The following PLA2G1B variants were observed in gnomAD, a reference collection of about 807,000 sequenced individuals.
PLA2G1B encodes phospholipase A2 group IB.
In PLA2G1B, 12 loss-of-function variants were observed where a neutral mutation model predicts 12.5. The observed-to-expected ratio is 0.96, with a 90% CI of 0.62 to 1.56. PLA2G1B has a LOEUF of 1.56. Among genes scored for constraint, PLA2G1B ranks in the 40% most tolerant of loss-of-function variants. The probability of loss-of-function intolerance (pLI) is 0.00; values close to 1 mark genes in which losing one functional copy is unlikely to be tolerated. For missense variants in PLA2G1B, 189 were observed against 186.7 expected, an observed-to-expected ratio of 1.01 and a Z score of -0.07; for synonymous variants, 81 against 73.4, an observed-to-expected ratio of 1.10 and a Z score of -0.53.
chr12:120,324,019 A>G (rs1294340932), intron 3 of PLA2G1B, among the ~76,000 whole-genome samples: 1 of 152,192 alleles, frequency 6.6e-6, no homozygotes. Context: ...TAAAGAAAAT[A>G]GACAGTAATC....
intron 1 of PLA2G1B, among the ~76,000 whole-genome samples, chr12:120,327,297 A>C (rs1411947277): frequency 6.6e-6 from 1 of 152,098 alleles, no homozygotes; most frequent in East Asian, 1.9e-4. Context: ...CCGTCTCAAA[A>C]ATAAAATAAA....
intron 3 of PLA2G1B, 104 bp from the exon 4 acceptor site, chr12:120,322,421 T>G (rs1873254816): frequency 9.5e-7 from 1 of 1,054,286 alleles, no homozygotes; most frequent in Non-Finnish European, 1.4e-6. Context: ...ATTCCACTGA[T>G]GCACATTTAG....
At chr12:120,326,319 A>T (rs1592909204) in intron 1 of PLA2G1B, among the ~76,000 whole-genome samples, 2 of 143,644 alleles carry the variant, frequency 1.4e-5, no homozygotes, top group Admixed American at 1.4e-4. Context: ...GATTACAGGC[A>T]TGTGCCACCC....
intron 3 of PLA2G1B, 142 bp downstream of exon 3, chr12:120,324,792 A>T: frequency 1.3e-6 from 1 of 798,038 alleles, no homozygotes; most frequent in Non-Finnish European, 2.1e-6. Context: ...TACCTATCCC[A>T]TAGTGTTGTT....
At chr12:120,326,061 C>T in intron 1 of PLA2G1B, 41 bp from the exon 2 acceptor site, 1 of 1,605,176 alleles carries the variant, frequency 6.2e-7, no homozygotes, top group Non-Finnish European at 8.5e-7. Context: ...GGTCTGCCAG[C>T]ACCCCGGGGA....
rs1349838019 is a variant in PLA2G1B at position 120,322,148 on chromosome 12, G to C, written c.*45C>G. On this transcript the variant is annotated 3_prime_UTR_variant, in exon 4 of 4. Coordinates refer to ENST00000308366, the MANE Select transcript of PLA2G1B (RefSeq NM_000928.3). The stretch of plus-strand genomic sequence containing the variant: ...ACAAGGTGCTTTATTGGAGAGTACA[G>C]TGTGAGATGAGGCAGATAGAGGTGA... The C allele has an allele frequency of 1.9e-6, 3 of 1,601,570 alleles. No individual in the cohort carries two copies. The highest frequency in any genetic ancestry group is 2.7e-5 in the African/African-American group (2 of 74,614).
At chr12:120,326,723 C>CTTTTGG (rs1443770533) in intron 1 of PLA2G1B, among the ~76,000 whole-genome samples, 1 of 151,862 alleles carries the variant, frequency 6.6e-6, no homozygotes, top group Non-Finnish European at 1.5e-5. Context: ...GTAATCCCAG[C>CTTTTGG]ACTTTGGGAG....
At chr12:120,322,896 A>G (rs1369487932) in intron 3 of PLA2G1B, among the ~76,000 whole-genome samples, 1 of 152,096 alleles carries the variant, frequency 6.6e-6, no homozygotes, top group Non-Finnish European at 1.5e-5. Flanking sequence ...TAGTTTCTCT[A>G]CTTTAAAGCA....
At position 120,325,881 on chromosome 12, in the gene PLA2G1B, G is replaced by T. The variant is rs367782740; in HGVS notation, c.174C>A (p.Thr58=). 8.1e-6 allele frequency: 13 copies of T among 1,613,860 alleles called. No homozygotes were observed. In the African/African-American group the frequency reaches 1.6e-4, roughly 20 times the overall value. ...GCYCGLGGSG[T]PVDELDKCCQ... Reference sequence around the variant, plus strand: ...CTTACTTGTCCAGTTCATCCACGGGGGTGCCTGAGCCCCCCAAGCCACAGT... The same window carrying T: ...CTTACTTGTCCAGTTCATCCACGGGTGTGCCTGAGCCCCCCAAGCCACAGT... The change falls in exon 2 of 4, where the codon ACC becomes ACA. Residue 58 remains threonine, a synonymous_variant. Coordinates refer to ENST00000308366, the MANE Select transcript of PLA2G1B (RefSeq NM_000928.3).
Position 120,324,990 on chromosome 12 carries a change from T to C in PLA2G1B, c.266A>G (p.Asn89Ser), listed in dbSNP as rs5635. 6.2e-6 allele frequency: 10 copies of C among 1,614,022 alleles called. No individual in the cohort carries two copies. The highest frequency in any genetic ancestry group is 2.2e-5 in the South Asian group (2 of 91,084). The change falls in exon 3 of 4, where the codon AAC (asparagine) becomes AGC (serine). Residue 89 changes from asparagine to serine, a missense_variant. Asn to Ser is a conservative substitution (Grantham distance 46). Coordinates refer to ENST00000308366, the MANE Select transcript of PLA2G1B (RefSeq NM_000928.3). ...GTATGAATAGGTGTGGGTGTACGGG[T>C]TGTCCAGCAGAAATTTACAGCTGTC... ...KLDSCKFLLDNPYTHTYSYSC... is the reference protein window; with the variant it reads ...KLDSCKFLLDSPYTHTYSYSC...
chr12:120,322,328 A>C lies in PLA2G1B; in HGVS notation c.323-11T>G, dbSNP rs770414361. On this transcript the variant is annotated splice_polypyrimidine_tract_variant and intron_variant, in intron 3 of 3. Coordinates refer to ENST00000308366, the MANE Select transcript of PLA2G1B (RefSeq NM_000928.3). ...ACTCTTTGTTTTTGCCTGGAGAGGG[A>C]TGAAAGGAGAGGACTGAGCCAAGGT... 6.2e-7 allele frequency: 1 copy of C among 1,613,274 alleles called. No individual in the cohort carries two copies. The highest frequency in any genetic ancestry group is 1.7e-5 in the Admixed American group (1 of 59,854).
rs369669070 is a variant in PLA2G1B, at chr12:120,322,170, G to T, written c.*23C>A. ...ACAGTGTGAGATGAGGCAGATAGAG[G>T]TGATGCTTTTGAGAGGTGATATTCA... is the stretch of plus-strand genomic sequence containing the variant. On this transcript the variant is annotated 3_prime_UTR_variant, in exon 4 of 4. Coordinates refer to ENST00000308366, the MANE Select transcript of PLA2G1B (RefSeq NM_000928.3). 12 of 1,612,558 alleles carry T rather than the reference G, an allele frequency of 7.4e-6. No homozygotes were observed. The highest frequency in any genetic ancestry group is 1.0e-5 in the Non-Finnish European group (12 of 1,179,006).
In PLA2G1B at chr12:120,322,221, A is replaced by G; in HGVS notation, c.419T>C (p.Leu140Pro). Residue 140 changes from leucine (L) to proline (P), a missense_variant, in exon 4 of 4, where the codon CTG becomes CCG. Coordinates refer to ENST00000308366, the MANE Select transcript of PLA2G1B (RefSeq NM_000928.3). ...ACTCTGACAATACTTCTTGGTGTCC[A>G]GGTTCTTGTGTGCCTTGTTATATGG... ...KAPYNKAHKNLDTKKYCQS is the reference protein window; with the variant it reads ...KAPYNKAHKNPDTKKYCQS 1.2e-6 allele frequency: 2 copies of G among 1,614,114 alleles called. No homozygotes were observed. The highest frequency in any genetic ancestry group is 1.1e-5 in the South Asian group (1 of 91,074).
chr12:120,324,624 C>CA (rs1390630249), intron 3 of PLA2G1B, among the ~76,000 whole-genome samples: 1 of 152,088 alleles, frequency 6.6e-6, no homozygotes, highest in East Asian at 1.9e-4. Flanking sequence ...CCTATGGTTG[C>CA]ACCACTGTGC....
intron 3 of PLA2G1B, among the ~76,000 whole-genome samples, chr12:120,323,934 G>A (rs1873286923): frequency 6.6e-6 from 1 of 152,138 alleles, no homozygotes; most frequent in African/African-American, 2.4e-5. Context: ...TTTATATCTA[G>A]GCTGTGCATT....
At position 120,322,246 on chromosome 12, in the gene PLA2G1B, G is replaced by A; in HGVS notation, c.394C>T (p.Pro132Ser). The A allele has an allele frequency of 6.2e-7, 1 of 1,613,994 alleles. No homozygotes were observed. The highest frequency in any genetic ancestry group is 8.5e-7 in the Non-Finnish European group (1 of 1,179,942). ...AGGTTCTTGTGTGCCTTGTTATATG[G>A]AGCTTTTGAAAAGCAGATGGCAGCG... ...RNAAICFSKA[P>S]YNKAHKNLDT... The change falls in exon 4 of 4, where the codon CCA (proline) becomes TCA (serine). Residue 132 changes from proline (P) to serine (S), a missense_variant. Transcript: ENST00000308366.
At chr12:120,324,102 A>G (rs1215688250) in intron 3 of PLA2G1B, among the ~76,000 whole-genome samples, 1 of 152,146 alleles carries the variant, frequency 6.6e-6, no homozygotes, top group Non-Finnish European at 1.5e-5. Flanking sequence ...ACTTGAGGTC[A>G]GGAGTTTGAG....
chr12:120,326,232 T>TTG (rs1385943050), intron 1 of PLA2G1B: 10 of 376,538 alleles, frequency 2.7e-5, no homozygotes, highest in African/African-American at 1.1e-4. Flanking sequence ...GTTTATATCT[T>TTG]TGTGTGTGTG....
At chr12:120,326,481 T>A (rs1873351081) in intron 1 of PLA2G1B, among the ~76,000 whole-genome samples, 2 of 149,600 alleles carry the variant, frequency 1.3e-5, no homozygotes, top group African/African-American at 4.9e-5. Context: ...GTCAGATAGT[T>A]TTAAACTATC....
Sources: allele counts gnomAD v4.1 joint callset (sites outside exome capture counted in the v4.1 genomes callset), GRCh38; gene constraint gnomAD v4.1.1; transcripts MANE v1.5; gene names NCBI Gene and HGNC (gene_info 2026-07-23, HGNC 2026-07-21).